PCDHGB5: variants seen among roughly 807,000 people sequenced by gnomAD.
PCDHGB5 encodes the protein protocadherin gamma-B5.
Under a neutral mutation model 62.9 loss-of-function variants are expected in PCDHGB5, and 48 were observed. The observed-to-expected ratio is 0.76, with a 90% CI of 0.61 to 0.97. The LOEUF (loss-of-function observed/expected upper bound fraction) is 0.97. Ranked by LOEUF, PCDHGB5 falls within the 50% of genes least tolerant of loss-of-function variation. PCDHGB5 has a pLI of 0.00. For missense variants in PCDHGB5, 1,118 were observed against 1,198.6 expected (o/e 0.93, Z 0.99); for synonymous variants, 474 against 511.2 (o/e 0.93, Z 0.98).
rs376415955 is a variant in PCDHGB5, at chr5:141,432,082, C to T, written c.2397+31558C>T. ...CCACGGAAACTCATATCTCGCTGAACGTGGCAGACACCAACGACAACCCGC... is the reference window on the plus strand; with the variant it reads ...CCACGGAAACTCATATCTCGCTGAATGTGGCAGACACCAACGACAACCCGC... On this transcript the variant is annotated intron_variant, in intron 1 of 3. Transcript: ENST00000617380. This position sits in a 1 kb window ranked among gnomAD's most constrained non-coding sequence, Gnocchi z 6.0. The T allele has an allele frequency of 3.1e-6, 5 of 1,614,184 alleles. No homozygotes were observed. Among genetic ancestry groups the T allele is most frequent in the Non-Finnish European group, 4.2e-6 (5 of 1,180,028 alleles).
chr5:141,403,688 A>T (rs1385402830), intron 1 of PCDHGB5: 1 of 1,613,836 alleles, frequency 6.2e-7, no homozygotes, highest in Non-Finnish European at 8.5e-7. Flanking sequence ...TGCTCAACGG[A>T]TTTACCGAGT....
chr5:141,400,163 A>G lies in PCDHGB5; in HGVS notation c.2036A>G (p.Asp679Gly). 1 of 1,613,830 alleles carries G rather than the reference A, an allele frequency of 6.2e-7. No homozygotes were observed. Among genetic ancestry groups the G allele is most frequent in the Non-Finnish European group, 8.5e-7 (1 of 1,179,848 alleles). Residue 679 changes from aspartate (D) to glycine (G), a missense_variant, in exon 1 of 4, where the codon GAC (aspartate) becomes GGC (glycine). Physicochemically the swap from Asp to Gly is moderately conservative, Grantham distance 94 (BLOSUM62 -1). This residue lies in a region of PCDHGB5 where 1,034 missense variants were observed against 1,029.1 expected (regional missense o/e 1.00). Transcript: ENST00000617380. ...PDITDRPVPS[D>G]PQAELQFYLV... is the part of the protein sequence containing the mutation. ...ATCACTGACCGCCCTGTACCCTCTGACCCCCAGGCTGAGCTGCAGTTTTAC... is the reference window on the plus strand; with the variant it reads ...ATCACTGACCGCCCTGTACCCTCTGGCCCCCAGGCTGAGCTGCAGTTTTAC...
rs1386912520 is a variant in PCDHGB5 at position 141,505,425 on chromosome 5, C to T, written c.2489C>T (p.Pro830Leu). 1.2e-6 allele frequency: 2 copies of T among 1,614,060 alleles called. No individual in the cohort carries two copies. The highest frequency in any genetic ancestry group is 1.7e-6 in the Non-Finnish European group (2 of 1,180,022). The change falls in exon 3 of 4, where the codon CCC becomes CTC. Residue 830 changes from proline to leucine, a missense_variant. Physicochemically the swap from Pro to Leu is moderately conservative, Grantham distance 98 (BLOSUM62 -3). Around this residue, in one of 2 missense-constraint regions of PCDHGB5, gnomAD observed 1,034 missense variants for 1,029.1 expected, o/e 1.00. Transcript: ENST00000617380. ...AATGGCGATGACACCGGCACCTGGC[C>T]CAACAACCAGTTTGACACAGAGATG... ...SQNGDDTGTW[P>L]NNQFDTEMLQ... is the part of the protein sequence containing the mutation.
Position 141,399,437 on chromosome 5 carries a change from A to T in PCDHGB5, c.1310A>T (p.His437Leu), listed in dbSNP as rs780100815. The stretch of plus-strand genomic sequence containing the variant: ...TCCTCCAGCATAAGCGTCATCCTAC[A>T]TATCAGAGACGTCAACGATAACGCT... ...PLSSSISVILHIRDVNDNAPV... is the reference protein window; with the variant it reads ...PLSSSISVILLIRDVNDNAPV... The change falls in exon 1 of 4, where the codon CAT becomes CTT. Residue 437 changes from histidine (H) to leucine (L), a missense_variant. Around this residue, in one of 2 missense-constraint regions of PCDHGB5, gnomAD observed 1,034 missense variants for 1,029.1 expected, o/e 1.00. Coordinates refer to ENST00000617380, the MANE Select transcript of PCDHGB5 (RefSeq NM_018925.3). 22 of 1,613,998 alleles carry T rather than the reference A, an allele frequency of 1.4e-5. No individual in the cohort carries two copies. The South Asian group carries it at 2.2e-4, about 16-fold the overall frequency.
rs375127524 is a variant in PCDHGB5 at position 141,490,702 on chromosome 5, C to T, written c.2398-4105C>T. ...AGATCCAGACACTGGGGATAATGCC[C>T]GCCTCACCTACTCCATTGTAGGAAA... On this transcript the variant is annotated intron_variant, in intron 1 of 3. Coordinates refer to ENST00000617380, the MANE Select transcript of PCDHGB5 (RefSeq NM_018925.3). The surrounding 1 kb of genome is among the most constrained non-coding windows in gnomAD (Gnocchi z 5.4). 36 of 1,614,060 alleles carry T rather than the reference C, an allele frequency of 2.2e-5. No homozygotes were observed. Among genetic ancestry groups the T allele is most frequent in the South Asian group, 7.7e-5 (7 of 91,090 alleles).
At chr5:141,468,428 T>C (rs936671539) in intron 1 of PCDHGB5, 11 of 151,374 alleles carry the variant, frequency 7.3e-5, no homozygotes, top group Non-Finnish European at 1.3e-4. Context: ...AGCAAGGTAA[T>C]AGCAAAATGT....
Position 141,489,169 on chromosome 5 carries a change from C to T in PCDHGB5, c.2398-5638C>T. On this transcript the variant is annotated intron_variant, in intron 1 of 3. Coordinates refer to ENST00000617380, the MANE Select transcript of PCDHGB5 (RefSeq NM_018925.3). This position sits in a 1 kb window ranked among gnomAD's most constrained non-coding sequence, Gnocchi z 4.5. ...GAGACATAAGAGACTTCAGCTGCTG[C>T]ATTCCAAGCCCTGGGTCTACCTTGG... 3 of 1,124,648 alleles carry T rather than the reference C, an allele frequency of 2.7e-6. No individual in the cohort carries two copies. The highest frequency in any genetic ancestry group is 3.8e-6 in the Non-Finnish European group (3 of 783,910). The allele number at this position is 1,124,648 out of a possible 1,614,324, so 69.7% of individuals were successfully genotyped here. A position where few individuals can be genotyped will look rare whatever the true frequency, so the allele number is the denominator to read the frequency against.
At chr5:141,437,659 C>T (rs1006268414) in intron 1 of PCDHGB5, among the ~76,000 whole-genome samples, 10 of 151,870 alleles carry the variant, frequency 6.6e-5, no homozygotes, top group East Asian at 3.9e-4. Context: ...CACATAGTTT[C>T]GAAGAGATGT....
chr5:141,409,303 C>G, intron 1 of PCDHGB5: 3 of 1,613,922 alleles, frequency 1.9e-6, no homozygotes, highest in South Asian at 2.2e-5. Flanking sequence ...TGGTTGTTGC[C>G]CTCTTCAAAA....
Position 141,476,437 on chromosome 5 carries a change from T to C in PCDHGB5, c.2398-18370T>C, listed in dbSNP as rs1260141259. The C allele has an allele frequency of 6.2e-7, 1 of 1,614,004 alleles. No homozygotes were observed. Among genetic ancestry groups the C allele is most frequent in the East Asian group, 2.2e-5 (1 of 44,836 alleles). ...GGACACTGCCCTCTTGCACTGTAAC[T>C]CTGGAGTTGGTAGTGGAGAACCCGC... On this transcript the variant is annotated intron_variant, in intron 1 of 3. Transcript: ENST00000617380. This position sits in a 1 kb window ranked among gnomAD's most constrained non-coding sequence, Gnocchi z 7.6.
intron 1 of PCDHGB5, chr5:141,441,857 ACGCCGC>A (rs2098279969): frequency 2.8e-6 from 1 of 352,664 alleles, no homozygotes; most frequent in Non-Finnish European, 5.6e-6. Flanking sequence ...ATGGTGCTGC[ACGCCGC>A]GGAGCCTGGC....
chr5:141,417,893 G>T (rs766340497), intron 1 of PCDHGB5: 2 of 1,572,670 alleles, frequency 1.3e-6, no homozygotes, highest in Admixed American at 1.9e-5. Flanking sequence ...GCGCCGGGCC[G>T]GCCCGCGGCA....
chr5:141,494,882 C>T lies in PCDHGB5; in HGVS notation c.2456+17C>T, dbSNP rs771484301. On this transcript the variant is annotated intron_variant, in intron 2 of 3. Transcript: ENST00000617380. ...CACCAGCGGGTAGGTGACTGATTCT[C>T]CAGCCCACCCTCTTCTCTGCGGCAT... is the stretch of plus-strand genomic sequence containing the variant. 35 of 1,614,128 alleles carry T rather than the reference C, an allele frequency of 2.2e-5. No homozygotes were observed. The highest frequency in any genetic ancestry group is 3.3e-4 in the Middle Eastern group (2 of 6,060).
chr5:141,409,256 C>G (rs1212394349), intron 1 of PCDHGB5: 2 of 1,613,918 alleles, frequency 1.2e-6, no homozygotes, highest in African/African-American at 2.7e-5. Context: ...CATCACTTCT[C>G]TCTCTGATCA....
intron 1 of PCDHGB5, chr5:141,409,549 C>T: frequency 6.2e-7 from 1 of 1,614,004 alleles, no homozygotes; most frequent in Non-Finnish European, 8.5e-7. Context: ...ACGACAACGC[C>T]CCAGTTTTCG....
chr5:141,423,531 C>T, intron 1 of PCDHGB5: 1 of 1,613,736 alleles, frequency 6.2e-7, no homozygotes, highest in South Asian at 1.1e-5. Context: ...AGAAGAGTCA[C>T]CTGATTTTCC....
chr5:141,420,099 C>T (rs750814136), intron 1 of PCDHGB5: 4 of 1,613,996 alleles, frequency 2.5e-6, no homozygotes, highest in South Asian at 2.2e-5. Flanking sequence ...AGTGAGGGAA[C>T]GTTGCCCTAT....
chr5:141,504,287 T>C (rs1191226511), intron 2 of PCDHGB5, among the ~76,000 whole-genome samples: 2 of 152,166 alleles, frequency 1.3e-5, no homozygotes, highest in Non-Finnish European at 2.9e-5. Flanking sequence ...AATCATTTCA[T>C]GTTTTTTCAA....
chr5:141,455,406 C>A (rs991797932), intron 1 of PCDHGB5, among the ~76,000 whole-genome samples: 1 of 152,108 alleles, frequency 6.6e-6, no homozygotes, highest in Non-Finnish European at 1.5e-5. Flanking sequence ...CTTACAGAGA[C>A]AGAGGGAGCG....
Sources: gnomAD v4.1 joint callset for allele counts (sites outside exome capture counted in the v4.1 genomes callset) on GRCh38, gnomAD v4.1.1 for gene constraint, gnomAD v4.1.1 regional missense constraint, Gnocchi (gnomAD v3.1) non-coding constraint, MANE v1.5 for transcripts, NCBI Gene and HGNC (gene_info 2026-07-23, HGNC 2026-07-21) for gene names.